NOTCH1: variants seen among roughly 807,000 people sequenced by gnomAD.
NOTCH1 encodes the protein notch receptor 1.
In NOTCH1, 37 loss-of-function variants were observed where a neutral mutation model predicts 254.8. The ratio of observed to expected loss-of-function variants is 0.15; its 90% CI spans 0.11 to 0.19. The LOEUF (loss-of-function observed/expected upper bound fraction) is 0.19, where lower values mean the gene tolerates loss of function less well. NOTCH1 is among the 10% of genes least tolerant of loss of function. NOTCH1 has a pLI of 1.00. For synonymous variants in NOTCH1, 1,731 were observed against 1,618.1 expected (o/e 1.07, Z -1.68); for missense variants, 2,972 against 3,708.6 (o/e 0.80, Z 5.16).
At chr9:136,521,553 G>T (rs151312659) in intron 4 of NOTCH1, among the ~76,000 whole-genome samples, 1 of 152,096 alleles carries the variant, frequency 6.6e-6, no homozygotes, top group Non-Finnish European at 1.5e-5. Context: ...CCTGAACCAC[G>T]GCCCCCCAAG....
intron 2 of NOTCH1, among the ~76,000 whole-genome samples, chr9:136,530,471 G>A (rs980940126): frequency 4.6e-5 from 7 of 152,218 alleles, no homozygotes; most frequent in African/African-American, 9.6e-5. Context: ...CAGAAGGCCC[G>A]TGGAGATGGC....
intron 2 of NOTCH1, among the ~76,000 whole-genome samples, chr9:136,537,207 G>T (rs1843670008): frequency 6.6e-6 from 1 of 152,210 alleles, no homozygotes; most frequent in Admixed American, 6.5e-5. Context: ...GCCTCCTCTG[G>T]ACTGTCTGGG....
In NOTCH1 at chr9:136,496,615, G is replaced by C. The variant is rs1375530239; in HGVS notation, c.7124C>G (p.Thr2375Ser). The C allele has an allele frequency of 6.2e-7, 1 of 1,613,066 alleles. No individual in the cohort carries two copies. The highest frequency in any genetic ancestry group is 2.2e-5 in the East Asian group (1 of 44,884). ...YQGLPSTRLA[T>S]QPHLVQTQQV... The stretch of plus-strand genomic sequence containing the variant: ...CTGGGTCTGCACCAGGTGAGGCTGG[G>C]TGGCCAGCCGGGTGCTGGGCAGGCC... The change falls in exon 34 of 34, where the codon ACC becomes AGC. Residue 2375 changes from threonine to serine, a missense_variant. By Grantham distance (58) the Thr-to-Ser change is moderately conservative. This residue lies in a region of NOTCH1 where 529 missense variants were observed against 529.2 expected (regional missense o/e 1.00). Transcript: ENST00000651671.
At chr9:136,512,967 G>A (rs1000470483) in intron 15 of NOTCH1, 54 bp downstream of exon 15, 7 of 304,548 alleles carry the variant, frequency 2.3e-5, no homozygotes, top group Non-Finnish European at 3.7e-5. Flanking sequence ...CACAGGTCCC[G>A]CCCCTCCCAC....
intron 2 of NOTCH1, among the ~76,000 whole-genome samples, chr9:136,533,878 C>T (rs1843600924): frequency 6.6e-6 from 1 of 152,364 alleles, no homozygotes; most frequent in South Asian, 2.1e-4. Context: ...GCGCCAGTTT[C>T]CTCCTTTGGA....
At chr9:136,515,813 G>A in intron 10 of NOTCH1, 97 bp from the exon 11 acceptor site, 1 of 1,275,792 alleles carries the variant, frequency 7.8e-7, no homozygotes, top group Non-Finnish European at 1.1e-6. Flanking sequence ...AACCTGAGGA[G>A]GGCTCCGAGC....
At chr9:136,518,473 G>A in intron 6 of NOTCH1, 118 bp downstream of exon 6, 1 of 1,140,930 alleles carries the variant, frequency 8.8e-7, no homozygotes, top group Non-Finnish European at 1.3e-6. Flanking sequence ...TCCCTGACCA[G>A]AAAGGCCCTT....
Position 136,505,705 on chromosome 9 carries a change from G to A in NOTCH1, c.4191C>T (p.Cys1397=), listed in dbSNP as rs1382302098. Residue 1397 remains cysteine, a synonymous_variant, in exon 25 of 34, where the codon TGC becomes TGT. Coordinates refer to ENST00000651671, the MANE Select transcript of NOTCH1 (RefSeq NM_017617.5). ...TGGGCTCACAGGTCCCCTGGTTGTA[G>A]CAGGGGTTGCCGCCCAGGCAGGGGC... ...ASSPCLGGNP[C]YNQGTCEPTS... 1 of 1,604,170 alleles carries A rather than the reference G, an allele frequency of 6.2e-7. No homozygotes were observed. Among genetic ancestry groups the A allele is most frequent in the Non-Finnish European group, 8.5e-7 (1 of 1,174,244 alleles).
At chr9:136,502,789 G>A in intron 27 of NOTCH1, 1 of 565,216 alleles carries the variant, frequency 1.8e-6, no homozygotes. Context: ...TTAAGACAAA[G>A]GATTTAGAGG....
In NOTCH1 at chr9:136,510,384, G is replaced by A. The variant is rs1336065876; in HGVS notation, c.2740+269C>T. On this transcript the variant is annotated intron_variant, in intron 17 of 33. Transcript: ENST00000651671. ...ATGAGCCAGGCGGGAGTGCAGGCCG[G>A]GCCCGAGCCATCCTCGGCTCAGTGA... 15 of 589,328 alleles carry A rather than the reference G, an allele frequency of 2.5e-5. No homozygotes were observed. The Admixed American group carries it at 4.5e-4, about 17-fold the overall frequency. The allele number at this position is 589,328 out of a possible 1,614,324, so 36.5% of individuals were successfully genotyped here.
In NOTCH1 at chr9:136,507,466, T is replaced by C. The variant is rs368196063; in HGVS notation, c.3511-29A>G. ...TGCAGGCGACAGAACGAGGGGCCCT[T>C]CGGCTCAGCCGGCGCCAGGATGCAG... On this transcript the variant is annotated intron_variant, in intron 21 of 33. Coordinates refer to ENST00000651671, the MANE Select transcript of NOTCH1 (RefSeq NM_017617.5). 190 of 1,583,354 alleles carry C rather than the reference T, an allele frequency of 1.2e-4. No individual in the cohort carries two copies. In the African/African-American group the frequency reaches 2.2e-3, roughly 19 times the overall value.
At chr9:136,527,437 GAGGTGGCACCCAAC>G (rs2133384429) in intron 2 of NOTCH1, among the ~76,000 whole-genome samples, 1 of 152,352 alleles carries the variant, frequency 6.6e-6, no homozygotes, top group South Asian at 2.1e-4. Context: ...TTGGCCGAGT[GAGGTGGCACCCAAC>G]AGCTGCCGCG....
At chr9:136,511,059 C>G in intron 16 of NOTCH1, 93 bp downstream of exon 16, 1 of 1,589,786 alleles carries the variant, frequency 6.3e-7, no homozygotes, top group Non-Finnish European at 8.6e-7. Flanking sequence ...AGCTCCTCTT[C>G]AAAGACTCAT....
rs2133314771 is a variant in NOTCH1, at chr9:136,496,291, G to A, written c.7448C>T (p.Thr2483Met). Reference sequence around the variant, plus strand: ...GGAGTAGCTGTGCTGCGAGGGGGGCGTCAGGAACTGGGCTGCGGTCACGGG... The same window carrying A: ...GGAGTAGCTGTGCTGCGAGGGGGGCATCAGGAACTGGGCTGCGGTCACGGG... The part of the protein sequence containing the change: ...VPPVTAAQFL[T>M]PPSQHSYSSP... Residue 2483 changes from threonine to methionine, a missense_variant, in exon 34 of 34, where the codon ACG becomes ATG. Physicochemically the swap from Thr to Met is moderately conservative, Grantham distance 81. This residue lies in a region of NOTCH1 where 85 missense variants were observed against 126.1 expected (regional missense o/e 0.67). Transcript: ENST00000651671. The A allele has an allele frequency of 1.3e-6, 2 of 1,597,152 alleles. No homozygotes were observed. The highest frequency in any genetic ancestry group is 1.7e-6 in the Non-Finnish European group (2 of 1,171,208).
At chr9:136,512,935 G>A in intron 15 of NOTCH1, 86 bp downstream of exon 15, 6 of 177,476 alleles carry the variant, frequency 3.4e-5, no homozygotes, top group Non-Finnish European at 4.6e-5. Context: ...ACCCTCTCCA[G>A]CACAGGCTCC....
intron 17 of NOTCH1, 57 bp downstream of exon 17, chr9:136,510,596 G>C (rs917821652): frequency 3.2e-6 from 5 of 1,568,054 alleles, no homozygotes; most frequent in East Asian, 2.3e-5. Context: ...AACCCTGCCC[G>C]GGGGAACTGA....
intron 2 of NOTCH1, among the ~76,000 whole-genome samples, chr9:136,533,313 C>CCG (rs879613806): frequency 0.29 from 26,141 of 90,060 alleles, 5,246 homozygotes; most frequent in East Asian, 0.7. Flanking sequence ...CCAGCCTGAG[C>CCG]TCAAGCATCT....
intron 2 of NOTCH1, among the ~76,000 whole-genome samples, chr9:136,536,426 G>C (rs538115419): frequency 6.6e-6 from 1 of 152,332 alleles, no homozygotes; most frequent in East Asian, 1.9e-4. Flanking sequence ...TGACCCTGAG[G>C]GTCCAGGGGG....
intron 2 of NOTCH1, among the ~76,000 whole-genome samples, chr9:136,535,493 C>T (rs1438601911): frequency 1.7e-5 from 2 of 115,692 alleles, no homozygotes; most frequent in African/African-American, 4.6e-5. Flanking sequence ...CTCCCAGGGG[C>T]AATGGGTGCA....
Sources: gnomAD v4.1 joint callset for allele counts (sites outside exome capture counted in the v4.1 genomes callset) on GRCh38, gnomAD v4.1.1 for gene constraint, gnomAD v4.1.1 regional missense constraint, MANE v1.5 for transcripts, NCBI Gene and HGNC (gene_info 2026-07-23, HGNC 2026-07-21) for gene names.